NAV1: variants seen among roughly 807,000 people sequenced by gnomAD.
NAV1 encodes the protein pore membrane and/or filament interacting like protein 3.
Under a neutral mutation model 175.2 loss-of-function variants are expected in NAV1, and 18 were observed. The observed-to-expected ratio is 0.10, with a 90% CI of 0.07 to 0.15. The LOEUF is 0.15. NAV1 is among the 10% of genes least tolerant of loss of function. NAV1 has a pLI of 1.00. For synonymous variants in NAV1, 897 were observed against 978.7 expected, an observed-to-expected ratio of 0.92 and a Z score of 1.56; for missense variants, 1,731 against 2,436.6, an observed-to-expected ratio of 0.71 and a Z score of 6.10.
At position 201,782,082 on chromosome 1, in the gene NAV1, C is replaced by T. The variant is rs1221016421; in HGVS notation, c.1664-94C>T. ...CCTCTAAAAGTCTACAATACATGGACAATGTTCCCTTCTCCCATGGAGGGA... is the reference window on the plus strand; with the variant it reads ...CCTCTAAAAGTCTACAATACATGGATAATGTTCCCTTCTCCCATGGAGGGA... On this transcript the variant is annotated intron_variant, in intron 5 of 29. Coordinates refer to ENST00000367296, the Ensembl canonical transcript of NAV1. The surrounding 1 kb of genome is among the most constrained non-coding windows in gnomAD (Gnocchi z 5.4). 3 of 1,124,380 alleles carry T rather than the reference C, an allele frequency of 2.7e-6. No homozygotes were observed. The highest frequency in any genetic ancestry group is 3.8e-6 in the Non-Finnish European group (3 of 788,438). 69.7% of individuals were successfully genotyped at this position (1,124,380 alleles called of 1,614,324 possible). A position where few individuals can be genotyped will look rare whatever the true frequency, so the allele number is the denominator to read the frequency against.
intron 2 of NAV1, among the ~76,000 whole-genome samples, chr1:201,601,029 C>A (rs1571840259): frequency 6.6e-6 from 1 of 152,364 alleles, no homozygotes; most frequent in African/African-American, 2.4e-5. Context: ...CAGAGACAGA[C>A]TTATGGCAGC....
chr1:201,816,502 A>G (rs1475328824), intron 28 of NAV1, among the ~76,000 whole-genome samples: 1 of 152,164 alleles, frequency 6.6e-6, no homozygotes, highest in Non-Finnish European at 1.5e-5. Context: ...TAAAAAATGA[A>G]TAAAATAAAT....
intron 2 of NAV1, among the ~76,000 whole-genome samples, chr1:201,639,123 G>A (rs1483375438): frequency 6.6e-6 from 1 of 152,204 alleles, no homozygotes; most frequent in African/African-American, 2.4e-5. Context: ...CAGGAAAAGG[G>A]CAGAGCAAAG....
chr1:201,581,417 G>A (rs996203195), intron 1 of NAV1, among the ~76,000 whole-genome samples: 4 of 152,214 alleles, frequency 2.6e-5, no homozygotes, highest in Non-Finnish European at 5.9e-5. Flanking sequence ...TAGCTGTGTT[G>A]ACTGTGCGGA....
At chr1:201,783,264 G>A in intron 6 of NAV1, 142 bp from the exon 11 acceptor site, 1 of 885,834 alleles carries the variant, frequency 1.1e-6, no homozygotes, top group East Asian at 2.4e-5. Context: ...TCCTTGCATT[G>A]TATTTCACAA....
At chr1:201,772,447 G>A (rs181588772) in intron 3 of NAV1, among the ~76,000 whole-genome samples, 13 of 152,346 alleles carry the variant, frequency 8.5e-5, no homozygotes, top group East Asian at 5.8e-4. Context: ...AGGCAAGACA[G>A]CTGGTCACCT....
At chr1:201,695,099 C>G (rs530350898) in intron 1 of NAV1, among the ~76,000 whole-genome samples, 1 of 152,354 alleles carries the variant, frequency 6.6e-6, no homozygotes, top group African/African-American at 2.4e-5. Context: ...CTAAGCCTAG[C>G]TTTGGCCCAG....
At chr1:201,757,318 T>TG (rs1006843334) in intron 3 of NAV1, among the ~76,000 whole-genome samples, 1 of 152,144 alleles carries the variant, frequency 6.6e-6, no homozygotes, top group African/African-American at 2.4e-5. Flanking sequence ...TGGAGTGCAG[T>TG]GGCACAATCC....
At position 201,694,802 on chromosome 1, in the gene NAV1, A is replaced by G. The variant is rs577030510; in HGVS notation, c.758-18015A>G. Among the ~76,000 whole-genome samples the G allele has an allele frequency of 3.3e-5, 5 of 152,346 alleles. No individual in the cohort carries two copies. Among genetic ancestry groups the G allele is most frequent in the Middle Eastern group, 3.4e-3 (1 of 294 alleles). ...GCTGGAGACAGAGAAGCTGGGTTCT[A>G]ATCCCAGCCCTGCTGCTTTGTAACT... On this transcript the variant is annotated intron_variant, in intron 1 of 29. Coordinates refer to ENST00000367296, the Ensembl canonical transcript of NAV1. This position sits in a 1 kb window ranked among gnomAD's most constrained non-coding sequence, Gnocchi z 4.2.
intron 1 of NAV1, among the ~76,000 whole-genome samples, chr1:201,711,589 C>T (rs964986582): frequency 5.9e-5 from 9 of 152,320 alleles, no homozygotes; most frequent in Non-Finnish European, 8.8e-5. Flanking sequence ...AGAAGGCTTG[C>T]GGATGGAGGG....
intron 2 of NAV1, among the ~76,000 whole-genome samples, chr1:201,610,444 C>G (rs781682817): frequency 3.9e-5 from 6 of 152,198 alleles, no homozygotes; most frequent in Admixed American, 6.5e-5. Flanking sequence ...AGGAAGTGAA[C>G]TTGGATTCTT....
intron 3 of NAV1, among the ~76,000 whole-genome samples, chr1:201,733,953 G>A (rs1164007764): frequency 3.3e-5 from 5 of 152,190 alleles, no homozygotes; most frequent in Non-Finnish European, 7.3e-5. Context: ...AACATGTTTT[G>A]CAAAGGGTCT....
At chr1:201,638,495 T>C (rs1404274793) in intron 2 of NAV1, among the ~76,000 whole-genome samples, 1 of 152,178 alleles carries the variant, frequency 6.6e-6, no homozygotes, top group Non-Finnish European at 1.5e-5. Flanking sequence ...GGGCCCTCCT[T>C]CCCATTCTTC....
At chr1:201,818,507 C>T (rs533368116) in intron 29 of NAV1, among the ~76,000 whole-genome samples, 5 of 146,148 alleles carry the variant, frequency 3.4e-5, no homozygotes, top group South Asian at 2.1e-4. Flanking sequence ...TCCAGCCTGG[C>T]GACAGAGCGA....
intron 1 of NAV1, among the ~76,000 whole-genome samples, chr1:201,625,739 T>C (rs1668310857): frequency 6.6e-6 from 1 of 152,246 alleles, no homozygotes; most frequent in Admixed American, 6.5e-5. Context: ...TTTGAATTCA[T>C]TCTTTGGGAA....
intron 8 of NAV1, among the ~76,000 whole-genome samples, chr1:201,785,717 G>A (rs927472638): frequency 6.6e-6 from 1 of 151,858 alleles, no homozygotes; most frequent in African/African-American, 2.4e-5. Flanking sequence ...GCTGGGCTAG[G>A]GGCAGGACCT....
At chr1:201,825,857 T>C (rs1405004427) in exon 30 of NAV1, 1 of 152,246 alleles carries the variant, frequency 6.6e-6, no homozygotes, top group African/African-American at 2.4e-5. Context: ...ATACGGAGTT[T>C]TGCCTTGTTG....
At chr1:201,602,667 G>GTTTTTTTTTT (rs374267102) in intron 2 of NAV1, among the ~76,000 whole-genome samples, 1 of 120,680 alleles carries the variant, frequency 8.3e-6, no homozygotes, top group Non-Finnish European at 1.8e-5. Context: ...TTTTTTTTTG[G>GTTTTTTTTTT]TTTTTTTTTT....
chr1:201,732,093 T>C lies in NAV1; in HGVS notation c.1226+13338T>C, dbSNP rs920823013. 3.3e-5 allele frequency among the ~76,000 whole-genome samples: 5 copies of C among 152,086 alleles called. No homozygotes were observed. In the South Asian group the frequency reaches 1.0e-3, roughly 32 times the overall value. ...CCTGAAGTTTGGAAGGCAACAGCTA[T>C]ACAATCTCTCTCTCTCTTTTTTTTT... is the stretch of plus-strand genomic sequence containing the variant. On this transcript the variant is annotated intron_variant, in intron 3 of 29. Transcript: ENST00000367296.
Sources: allele counts gnomAD v4.1 joint callset (sites outside exome capture counted in the v4.1 genomes callset), GRCh38; gene constraint gnomAD v4.1.1; non-coding constraint Gnocchi (gnomAD v3.1); transcripts MANE v1.5; gene names NCBI Gene and HGNC (gene_info 2026-07-23, HGNC 2026-07-21).